The following MAP3K13 variants were observed in gnomAD, a reference collection of about 807,000 sequenced individuals.
MAP3K13 encodes the protein leucine zipper-bearing kinase.
MAP3K13 carries 52 observed loss-of-function variants against 104.0 expected under a neutral mutation model. That is an observed-to-expected ratio of 0.50 (90% CI 0.40 to 0.63). The LOEUF (loss-of-function observed/expected upper bound fraction) is 0.63. MAP3K13 is among the 20% of genes least tolerant of loss of function. MAP3K13 has a pLI of 0.00. For missense variants in MAP3K13, 914 were observed against 1,218.5 expected (o/e 0.75, Z 3.72); for synonymous variants, 394 against 442.2 (o/e 0.89, Z 1.37).
chr3:185,377,773 G>A (rs912890626), intron 1 of MAP3K13, among the ~76,000 whole-genome samples: 12 of 152,250 alleles, frequency 7.9e-5, no homozygotes, highest in Non-Finnish European at 1.3e-4. Flanking sequence ...TGGTCCAGGA[G>A]GCTTCCGAGG....
intron 2 of MAP3K13, among the ~76,000 whole-genome samples, chr3:185,316,373 G>C (rs1721673850): frequency 6.6e-6 from 1 of 152,158 alleles, no homozygotes; most frequent in Non-Finnish European, 1.5e-5. Context: ...GGGTGGGGTG[G>C]CTCACACCAT....
At chr3:185,283,344 A>C (rs1720378628) in intron 1 of MAP3K13, among the ~76,000 whole-genome samples, 1 of 152,072 alleles carries the variant, frequency 6.6e-6, no homozygotes, top group African/African-American at 2.4e-5. Context: ...TGGGGCACTG[A>C]GATGAGTTGA....
Position 185,449,983 on chromosome 3 carries a change from T to C in MAP3K13, c.1094T>C (p.Val365Ala). Residue 365 changes from valine to alanine, a missense_variant, in exon 6 of 14, where the codon GTT becomes GCT. Physicochemically the swap from Val to Ala is moderately conservative, Grantham distance 64. Transcript: ENST00000265026. Reference protein sequence around the residue: ...DVDSSAIIWGVGSNSLHLPVP... With the variant: ...DVDSSAIIWGAGSNSLHLPVP... ...GATTCTTCAGCCATTATCTGGGGTG[T>C]TGGAAGCAACAGCCTCCACCTTCCA... 6.2e-7 allele frequency: 1 copy of C among 1,613,734 alleles called. No individual in the cohort carries two copies. Among genetic ancestry groups the C allele is most frequent in the Non-Finnish European group, 8.5e-7 (1 of 1,179,844 alleles).
At chr3:185,353,736 A>G (rs1478332715) in intron 2 of MAP3K13, among the ~76,000 whole-genome samples, 4 of 152,164 alleles carry the variant, frequency 2.6e-5, no homozygotes, top group Non-Finnish European at 5.9e-5. Context: ...ACACACTGTA[A>G]TCTTATATTA....
intron 2 of MAP3K13, among the ~76,000 whole-genome samples, chr3:185,356,438 T>G (rs534017976): frequency 6.6e-6 from 1 of 152,082 alleles, no homozygotes; most frequent in South Asian, 2.1e-4. Context: ...AATTGGGAGG[T>G]CCAGCAGAGT....
chr3:185,323,807 T>C (rs1435541122), intron 2 of MAP3K13, among the ~76,000 whole-genome samples: 1 of 152,218 alleles, frequency 6.6e-6, no homozygotes, highest in African/African-American at 2.4e-5. Flanking sequence ...TGTTCATAAT[T>C]TGATTGCCAA....
At chr3:185,467,415 A>G (rs1281319221) in intron 10 of MAP3K13, among the ~76,000 whole-genome samples, 1 of 152,218 alleles carries the variant, frequency 6.6e-6, no homozygotes, top group Non-Finnish European at 1.5e-5. Context: ...TTTTATTCAC[A>G]CATTTAGTTC....
intron 9 of MAP3K13, among the ~76,000 whole-genome samples, chr3:185,466,285 T>C (rs1717418000): frequency 6.6e-6 from 1 of 152,144 alleles, no homozygotes; most frequent in South Asian, 2.1e-4. Flanking sequence ...TGTATTATGT[T>C]GGGGAAATGA....
At chr3:185,314,985 G>T (rs1721625651) in intron 2 of MAP3K13, among the ~76,000 whole-genome samples, 1 of 151,960 alleles carries the variant, frequency 6.6e-6, no homozygotes, top group Admixed American at 6.5e-5. Flanking sequence ...AGGTGCGGTG[G>T]CTCATGCCTG....
At chr3:185,290,001 C>T (rs1342145257) in intron 2 of MAP3K13, among the ~76,000 whole-genome samples, 1 of 152,090 alleles carries the variant, frequency 6.6e-6, no homozygotes, top group African/African-American at 2.4e-5. Flanking sequence ...CATTTCAAGC[C>T]TCAATTTCCT....
chr3:185,351,817 A>G (rs1336467256), intron 2 of MAP3K13, among the ~76,000 whole-genome samples: 6 of 152,218 alleles, frequency 3.9e-5, no homozygotes, highest in African/African-American at 1.4e-4. Flanking sequence ...AAAAGGAAGA[A>G]CACTCATCAT....
intron 2 of MAP3K13, among the ~76,000 whole-genome samples, chr3:185,352,170 C>T (rs1418475485): frequency 6.6e-6 from 1 of 152,096 alleles, no homozygotes; most frequent in Admixed American, 6.5e-5. Context: ...GGGGGCCGGG[C>T]GCGGTGGCTC....
chr3:185,334,299 A>G (rs1161587413), intron 2 of MAP3K13, among the ~76,000 whole-genome samples: 1 of 152,256 alleles, frequency 6.6e-6, no homozygotes, highest in African/African-American at 2.4e-5. Context: ...AATATTGACG[A>G]AATTGACAAG....
At chr3:185,454,870 GAGATATATATATGAT>G (rs1716298246) in intron 7 of MAP3K13, among the ~76,000 whole-genome samples, 2 of 33,790 alleles carry the variant, frequency 5.9e-5, no homozygotes, top group Non-Finnish European at 7.2e-5. Flanking sequence ...ATATATATAT[GAGATATATATATGAT>G]ATATATATGA....
At chr3:185,397,477 A>C (rs1712492963) in intron 1 of MAP3K13, among the ~76,000 whole-genome samples, 1 of 152,250 alleles carries the variant, frequency 6.6e-6, no homozygotes, top group South Asian at 2.1e-4. Context: ...ATTGAGTAGC[A>C]TTAAATGCTA....
chr3:185,473,404 G>A lies in MAP3K13; in HGVS notation c.2073G>A (p.Leu691=). The A allele has an allele frequency of 1.2e-6, 2 of 1,614,210 alleles. No homozygotes were observed. Among genetic ancestry groups the A allele is most frequent in the South Asian group, 1.1e-5 (1 of 91,088 alleles). The change falls in exon 11 of 14, where the codon CTG becomes CTA. Residue 691 remains leucine, a synonymous_variant. Transcript: ENST00000265026. The surrounding 1 kb of genome is among the most constrained non-coding windows in gnomAD (Gnocchi z 4.9). ...TCAGCAACCATGCTCAGAGACAGCT[G>A]CCCGGCTCGAGCCCTGACCTCATCT... The part of the protein sequence containing the change: ...SPLSNHAQRQ[L]PGSSPDLIST...
chr3:185,372,620 G>A (rs189830321), intron 1 of MAP3K13, among the ~76,000 whole-genome samples: 113 of 152,258 alleles, frequency 7.4e-4, no homozygotes, highest in Admixed American at 3.1e-3. Context: ...TTGATGATAA[G>A]GATTTCTTTT....
At chr3:185,382,073 A>G (rs1560076069) in intron 1 of MAP3K13, among the ~76,000 whole-genome samples, 1 of 152,202 alleles carries the variant, frequency 6.6e-6, no homozygotes, top group Admixed American at 6.5e-5. Context: ...CCCCTTATCC[A>G]TAGGGGATAT....
chr3:185,423,801 C>G lies in MAP3K13; in HGVS notation c.-85-4696C>G, dbSNP rs1157976642. On this transcript the variant is annotated intron_variant, in intron 1 of 13. Coordinates refer to ENST00000265026, the MANE Select transcript of MAP3K13 (RefSeq NM_004721.5). This position sits in a 1 kb window ranked among gnomAD's most constrained non-coding sequence, Gnocchi z 4.1. The stretch of plus-strand genomic sequence containing the variant: ...CAGCAGGAGTTACCCTTGCTGCACA[C>G]TGCTCCCCCACATTAGCCACTGCTG... Among the ~76,000 whole-genome samples, 1 of 152,230 alleles carries G rather than the reference C, an allele frequency of 6.6e-6. No homozygotes were observed. The highest frequency in any genetic ancestry group is 2.4e-5 in the African/African-American group (1 of 41,458).
Sources: allele counts gnomAD v4.1 joint callset (sites outside exome capture counted in the v4.1 genomes callset), GRCh38; gene constraint gnomAD v4.1.1; non-coding constraint Gnocchi (gnomAD v3.1); transcripts MANE v1.5; gene names NCBI Gene and HGNC (gene_info 2026-07-23, HGNC 2026-07-21).